CRNKL1: variants seen among roughly 807,000 people sequenced by gnomAD.
CRNKL1 encodes the protein crooked neck pre-mRNA splicing factor 1.
In CRNKL1, 35 loss-of-function variants were observed where a neutral mutation model predicts 103.7. The ratio of observed to expected loss-of-function variants is 0.34; its 90% confidence interval spans 0.26 to 0.45. The LOEUF (loss-of-function observed/expected upper bound fraction) is 0.45. Ranked by LOEUF, CRNKL1 falls within the 20% of genes least tolerant of loss-of-function variation. The pLI is 1.00. For missense variants in CRNKL1, 645 were observed against 836.0 expected (o/e 0.77, Z 2.82); for synonymous variants, 267 against 282.6 (o/e 0.94, Z 0.55).
chr20:20,044,000 A>G (rs1390415643), intron 6 of CRNKL1, among the ~76,000 whole-genome samples: 1 of 152,178 alleles, frequency 6.6e-6, no homozygotes, highest in Non-Finnish European at 1.5e-5. Flanking sequence ...CCTAACCTAC[A>G]GTCACTTGCT....
At chr20:20,056,021 T>C, upstream of CRNKL1, 1 of 1,601,576 alleles carries the variant, frequency 6.2e-7, no homozygotes, top group Non-Finnish European at 8.5e-7. Flanking sequence ...TCATTAGAGA[T>C]TCTCTTCCCA....
chr20:20,041,473 T>G, intron 9 of CRNKL1, 93 bp downstream of exon 9: 1 of 1,036,318 alleles, frequency 9.6e-7, no homozygotes, highest in South Asian at 1.3e-5. Flanking sequence ...AGGGAAGCAT[T>G]TTATCAATCA....
chr20:20,039,888 G>A, intron 10 of CRNKL1, 40 bp from the exon 11 acceptor site: 1 of 1,603,326 alleles, frequency 6.2e-7, no homozygotes, highest in South Asian at 1.1e-5. Flanking sequence ...ATACTGTAGT[G>A]GATTTAATCT....
chr20:20,047,458 T>C lies in CRNKL1; in HGVS notation c.622+307A>G, dbSNP rs537571983. On this transcript the variant is annotated intron_variant, in intron 5 of 13. Transcript: ENST00000536226. Reference sequence around the variant, plus strand: ...ATGAGGGACTTAAGCATCACCGATTTTGGTATCCCCTTGAGTTCCTGGAAA... The same window carrying C: ...ATGAGGGACTTAAGCATCACCGATTCTGGTATCCCCTTGAGTTCCTGGAAA... 3.9e-5 allele frequency among the ~76,000 whole-genome samples: 6 copies of C among 152,346 alleles called. No individual in the cohort carries two copies. The South Asian group carries it at 1.2e-3, about 32-fold the overall frequency.
At position 20,045,446 on chromosome 20, in the gene CRNKL1, A is replaced by G. The variant is rs750691541; in HGVS notation, c.663T>C (p.Tyr221=). Residue 221 remains tyrosine, a synonymous_variant, in exon 6 of 14, where the codon TAT becomes TAC. Transcript: ENST00000536226. ...AAGCATGTTTTTCTTCAAAGCGGGC[A>G]TACTTGATCCAGTTCTTAACATCAG... ...VHPDVKNWIK[Y]ARFEEKHAYF... is the part of the protein sequence containing the mutation. 76 of 1,613,116 alleles carry G rather than the reference A, an allele frequency of 4.7e-5. No homozygotes were observed. Among genetic ancestry groups the G allele is most frequent in the Non-Finnish European group, 6.3e-5 (74 of 1,179,598 alleles).
In CRNKL1 at chr20:20,037,583, G is replaced by C; in HGVS notation, c.1648-12C>G. ...AAGCTGATCCATACCTTTAAAAAAA[G>C]TTATTATTGAACCAAATTAACCATA... On this transcript the variant is annotated splice_polypyrimidine_tract_variant and intron_variant, in intron 12 of 13. Transcript: ENST00000536226. 2 of 1,607,982 alleles carry C rather than the reference G, an allele frequency of 1.2e-6. No homozygotes were observed.
chr20:20,037,575 TA>T lies in CRNKL1; in HGVS notation c.1648-5del, dbSNP rs2043441270. On this transcript the variant is annotated splice_polypyrimidine_tract_variant and splice_region_variant and intron_variant, in intron 12 of 13. Transcript: ENST00000536226. ...ACTGAGCAAAGCTGATCCATACCTT[TA>T]AAAAAAGTTATTATTGAACCAAATT... 3 of 1,607,594 alleles carry T rather than the reference TA, an allele frequency of 1.9e-6. No homozygotes were observed. The highest frequency in any genetic ancestry group is 2.5e-6 in the Non-Finnish European group (3 of 1,178,136).
chr20:20,052,781 A>G, upstream of CRNKL1: 1 of 1,481,726 alleles, frequency 6.7e-7, no homozygotes, highest in African/African-American at 1.4e-5. Context: ...GGAAGAAGGG[A>G]GAGCGAGGAA....
chr20:20,038,000 T>C (rs1277769531), intron 12 of CRNKL1, among the ~76,000 whole-genome samples: 3 of 152,024 alleles, frequency 2.0e-5, no homozygotes, highest in East Asian at 3.9e-4. Context: ...GGCAGGAGAA[T>C]TGCTTGAACC....
intron 2 of CRNKL1, among the ~76,000 whole-genome samples, chr20:20,050,068 C>T (rs376881502): frequency 1.1e-4 from 17 of 152,210 alleles, no homozygotes; most frequent in East Asian, 1.9e-4. Flanking sequence ...CTGCCCGCCT[C>T]GGCCTCCCAA....
Position 20,035,238 on chromosome 20 carries a change from T to C in CRNKL1, c.*957A>G, listed in dbSNP as rs565488911. 6.6e-5 allele frequency: 10 copies of C among 152,338 alleles called. No individual in the cohort carries two copies. The highest frequency in any genetic ancestry group is 2.4e-4 in the African/African-American group (10 of 41,578). The allele number at this position is 152,338 out of a possible 1,614,324, so 9.4% of individuals were successfully genotyped here. On this transcript the variant is annotated 3_prime_UTR_variant, in exon 14 of 14. Coordinates refer to ENST00000536226, the MANE Select transcript of CRNKL1 (RefSeq NM_001278628.2). ...ACTCTAGGTAGAAATGACTCCATTGTCCACTAAGTTTGGGAAATAAATAAT... is the reference window on the plus strand; with the variant it reads ...ACTCTAGGTAGAAATGACTCCATTGCCCACTAAGTTTGGGAAATAAATAAT...
intron 9 of CRNKL1, among the ~76,000 whole-genome samples, chr20:20,041,034 T>G (rs2043504643): frequency 6.6e-6 from 1 of 152,240 alleles, no homozygotes; most frequent in Non-Finnish European, 1.5e-5. Context: ...TGTACTGTAC[T>G]GTATGGCACG....
rs2043384441 is a variant in CRNKL1 at position 20,034,428 on chromosome 20, T to C, written c.*1767A>G. ...GAGTTGAGGGTGGGAGAGAAATGAATCTTTATGTTCTCCTGTTAGAGAATA... is the reference window on the plus strand; with the variant it reads ...GAGTTGAGGGTGGGAGAGAAATGAACCTTTATGTTCTCCTGTTAGAGAATA... On this transcript the variant is annotated 3_prime_UTR_variant, in exon 14 of 14. Transcript: ENST00000536226. 1 of 152,202 alleles carries C rather than the reference T, an allele frequency of 6.6e-6. No homozygotes were observed. Among genetic ancestry groups the C allele is most frequent in the Non-Finnish European group, 1.5e-5 (1 of 68,040 alleles). The allele number at this position is 152,202 out of a possible 1,614,324, so 9.4% of individuals were successfully genotyped here.
intron 13 of CRNKL1, among the ~76,000 whole-genome samples, chr20:20,036,945 G>A (rs1301383710): frequency 2.0e-5 from 3 of 152,192 alleles, no homozygotes; most frequent in Non-Finnish European, 4.4e-5. Context: ...ATGCAAAACA[G>A]CCTTCACTGA....
At chr20:20,048,079 GA>G in intron 4 of CRNKL1, 148 bp from the exon 5 acceptor site, 2 of 1,128,684 alleles carry the variant, frequency 1.8e-6, no homozygotes, top group Non-Finnish European at 2.5e-6. Context: ...TGAACCATTG[GA>G]AAAAAAGATT....
At chr20:20,055,994 G>A (rs781267881), upstream of CRNKL1, 6 of 1,609,820 alleles carry the variant, frequency 3.7e-6, no homozygotes, top group Non-Finnish European at 5.1e-6. Flanking sequence ...GGAACGTTAG[G>A]TTCTCCACTG....
At chr20:20,048,643 T>C in intron 3 of CRNKL1, 142 bp from the exon 4 acceptor site, 13 of 736,992 alleles carry the variant, frequency 1.8e-5, no homozygotes, top group Non-Finnish European at 2.8e-5. Flanking sequence ...TGAAAAGATA[T>C]AATGCTCTCA....
chr20:20,036,399 G>T, intron 13 of CRNKL1, 37 bp from the exon 14 acceptor site: 1 of 1,594,170 alleles, frequency 6.3e-7, no homozygotes, highest in Non-Finnish European at 8.6e-7. Context: ...AGCAAACGTG[G>T]GTGATATACT....
chr20:20,049,942 C>T (rs555225686), intron 2 of CRNKL1, among the ~76,000 whole-genome samples: 14 of 152,152 alleles, frequency 9.2e-5, no homozygotes, highest in African/African-American at 2.2e-4. Flanking sequence ...CTCAGCCTCC[C>T]GAATAGCTGG....
Sources: gnomAD v4.1 joint callset for allele counts (sites outside exome capture counted in the v4.1 genomes callset) on GRCh38, gnomAD v4.1.1 for gene constraint, MANE v1.5 for transcripts, NCBI Gene and HGNC (gene_info 2026-07-23, HGNC 2026-07-21) for gene names.